Variants in DNMT3A observed in about 807,000 individuals in gnomAD.
The protein encoded by DNMT3A is DNA (cytosine-5)-methyltransferase 3A.
In DNMT3A, 267 loss-of-function variants were observed where a neutral mutation model predicts 117.6. That is an observed-to-expected ratio of 2.27 (90% CI 2.05 to 2.51). DNMT3A has a LOEUF of 2.51. DNMT3A is among the 30% of genes most tolerant of loss of function. DNMT3A has a pLI of 0.00. For synonymous variants in DNMT3A, 432 were observed against 474.8 expected (o/e 0.91, Z 1.17); for missense variants, 1,029 against 1,260.2 (o/e 0.82, Z 2.78).
rs1235002708 is a variant in DNMT3A, at chr2:25,253,802, G to C, written c.640-5550C>G. Reference sequence around the variant, plus strand: ...AGAAGATCTGGACTTGGCCGAGCGCGGTGGCTCACGCCTATAATCCCAGCA... The same window carrying C: ...AGAAGATCTGGACTTGGCCGAGCGCCGTGGCTCACGCCTATAATCCCAGCA... On this transcript the variant is annotated intron_variant, in intron 6 of 22. Coordinates refer to ENST00000321117, the MANE Select transcript of DNMT3A (RefSeq NM_022552.5). 3.3e-5 allele frequency among the ~76,000 whole-genome samples: 5 copies of C among 152,164 alleles called. No homozygotes were observed. The South Asian group carries it at 6.2e-4, about 19-fold the overall frequency.
chr2:25,236,656 A>T lies in DNMT3A; in HGVS notation c.2478+280T>A, dbSNP rs1673396179. On this transcript the variant is annotated intron_variant, in intron 21 of 22. Transcript: ENST00000321117. This position sits in a 1 kb window ranked among gnomAD's most constrained non-coding sequence, Gnocchi z 4.5. The stretch of plus-strand genomic sequence containing the variant: ...GTAATAGGTTTTGGCCAAAAAATTT[A>T]AAAATGAAAAAAAAGCCACAGCACA... 6.6e-6 allele frequency among the ~76,000 whole-genome samples: 1 copy of T among 152,148 alleles called. No individual in the cohort carries two copies. Among genetic ancestry groups the T allele is most frequent in the Admixed American group, 6.5e-5 (1 of 15,280 alleles).
Position 25,283,588 on chromosome 2 carries a change from C to T in DNMT3A, c.178-877G>A, listed in dbSNP as rs1307461527. ...GCTCATAGCCTAGCGTAGCCTTCTC[C>T]CCTGGCCTGGGCCGCCCCAGATTCT... On this transcript the variant is annotated intron_variant, in intron 3 of 22. Coordinates refer to ENST00000321117, the MANE Select transcript of DNMT3A (RefSeq NM_022552.5). 2.0e-5 allele frequency among the ~76,000 whole-genome samples: 3 copies of T among 152,124 alleles called. No individual in the cohort carries two copies. In the East Asian group the frequency reaches 5.8e-4, roughly 29 times the overall value.
intron 1 of DNMT3A, among the ~76,000 whole-genome samples, chr2:25,324,493 C>T (rs1217523457): frequency 6.6e-6 from 1 of 152,186 alleles, no homozygotes; most frequent in Non-Finnish European, 1.5e-5. Flanking sequence ...GTTTGTGCCT[C>T]TGGGGTGACC....
intron 3 of DNMT3A, among the ~76,000 whole-genome samples, chr2:25,299,814 A>T (rs1017375993): frequency 1.3e-5 from 2 of 152,104 alleles, no homozygotes; most frequent in African/African-American, 4.8e-5. Flanking sequence ...GCCTGTAATC[A>T]CAGCTACTTG....
At chr2:25,267,680 A>AT (rs1446386941) in intron 6 of DNMT3A, among the ~76,000 whole-genome samples, 3 of 152,344 alleles carry the variant, frequency 2.0e-5, no homozygotes, top group African/African-American at 7.2e-5. Context: ...TAAAGTTCCT[A>AT]TTATATGCTA....
rs1673574401 is a variant in DNMT3A, at chr2:25,238,176, C to T, written c.2408+954G>A. Among the ~76,000 whole-genome samples, 3 of 152,120 alleles carry T rather than the reference C, an allele frequency of 2.0e-5. No individual in the cohort carries two copies. The South Asian group carries it at 6.2e-4, about 32-fold the overall frequency. On this transcript the variant is annotated intron_variant, in intron 20 of 22. Coordinates refer to ENST00000321117, the MANE Select transcript of DNMT3A (RefSeq NM_022552.5). ...ATGAAAATACTGGACCTCATTAGCC[C>T]ATCCATTTCCCAATATGCACATGTA...
At chr2:25,241,841 G>T in intron 16 of DNMT3A, 134 bp from the exon 17 acceptor site, 2 of 1,172,210 alleles carry the variant, frequency 1.7e-6, no homozygotes, top group Non-Finnish European at 1.2e-6. Flanking sequence ...CCCTGAAGAT[G>T]CCTTAAATCC....
chr2:25,316,532 T>C (rs1466615130), intron 1 of DNMT3A, among the ~76,000 whole-genome samples: 2 of 152,190 alleles, frequency 1.3e-5, no homozygotes, highest in African/African-American at 4.8e-5. Flanking sequence ...GGGCGGGCCA[T>C]GTACTACACA....
At chr2:25,246,550 G>T in intron 10 of DNMT3A, 70 bp downstream of exon 10, 1 of 1,553,368 alleles carries the variant, frequency 6.4e-7, no homozygotes, top group Non-Finnish European at 8.7e-7. Flanking sequence ...CCCTAAGCAT[G>T]GCTTTCCCAG....
Position 25,233,804 on chromosome 2 carries a change from A to AC in DNMT3A, c.*474_*475insG, listed in dbSNP as rs1236818219. On this transcript the variant is annotated 3_prime_UTR_variant, in exon 23 of 23. Transcript: ENST00000321117. ...AAAAAAAAAAAACAAAAAACAAAAAAAAAAACAACCCAATATATAGATTTC... is the reference window on the plus strand; with the variant it reads ...AAAAAAAAAAAACAAAAAACAAAAAACAAAAACAACCCAATATATAGATTTC... The AC allele has an allele frequency of 4.4e-6, 1 of 226,832 alleles. No individual in the cohort carries two copies. The highest frequency in any genetic ancestry group is 2.2e-5 in the African/African-American group (1 of 44,788). The allele number at this position is 226,832 out of a possible 1,614,324, so 14.1% of individuals were successfully genotyped here.
rs562816716 is a variant in DNMT3A, at chr2:25,298,002, C to T, written c.177+2137G>A. 5.3e-5 allele frequency among the ~76,000 whole-genome samples: 8 copies of T among 152,342 alleles called. No homozygotes were observed. The highest frequency in any genetic ancestry group is 1.2e-4 in the Non-Finnish European group (8 of 68,040). On this transcript the variant is annotated intron_variant, in intron 3 of 22. Transcript: ENST00000321117. This position sits in a 1 kb window ranked among gnomAD's most constrained non-coding sequence, Gnocchi z 4.3. ...TGTCAAACTACGGTTGCCGTGGCCTCCTGAAGAGGAAAGGTTTGGCCAGGC... is the reference window on the plus strand; with the variant it reads ...TGTCAAACTACGGTTGCCGTGGCCTTCTGAAGAGGAAAGGTTTGGCCAGGC...
intron 2 of DNMT3A, among the ~76,000 whole-genome samples, chr2:25,303,089 T>C (rs1216128369): frequency 6.6e-6 from 1 of 152,212 alleles, no homozygotes; most frequent in African/African-American, 2.4e-5. Flanking sequence ...TAGGGCAGAT[T>C]CTGGAAAAAC....
At chr2:25,265,507 T>A (rs1389861202) in intron 6 of DNMT3A, among the ~76,000 whole-genome samples, 1 of 152,172 alleles carries the variant, frequency 6.6e-6, no homozygotes, top group Non-Finnish European at 1.5e-5. Flanking sequence ...AATTTTCTAA[T>A]AGCAAAATAC....
intron 3 of DNMT3A, among the ~76,000 whole-genome samples, chr2:25,297,752 C>T (rs2033178757): frequency 6.6e-6 from 1 of 152,174 alleles, no homozygotes; most frequent in African/African-American, 2.4e-5. Flanking sequence ...TCAGGTGATC[C>T]GCCCACCTTG....
chr2:25,271,671 G>A (rs538929579), intron 6 of DNMT3A, among the ~76,000 whole-genome samples: 1 of 152,348 alleles, frequency 6.6e-6, no homozygotes, highest in African/African-American at 2.4e-5. Context: ...TCTAAAACTT[G>A]TACTGGAATT....
chr2:25,267,181 C>A (rs1293630575), intron 6 of DNMT3A, among the ~76,000 whole-genome samples: 1 of 152,108 alleles, frequency 6.6e-6, no homozygotes, highest in South Asian at 2.1e-4. Flanking sequence ...AAAAAAAGAA[C>A]CCCTGAAGCA....
chr2:25,323,180 A>AGGATG, intron 1 of DNMT3A, among the ~76,000 whole-genome samples: 2 of 152,228 alleles, frequency 1.3e-5, no homozygotes, highest in South Asian at 4.2e-4. Context: ...AAGGATGCTA[A>AGGATG]CATGGTCGAT....
At chr2:25,276,616 G>T (rs530000975) in intron 4 of DNMT3A, among the ~76,000 whole-genome samples, 2 of 152,180 alleles carry the variant, frequency 1.3e-5, no homozygotes, top group Non-Finnish European at 2.9e-5. Flanking sequence ...CCCTTTCCAG[G>T]CACCCCTTCC....
intron 6 of DNMT3A, among the ~76,000 whole-genome samples, chr2:25,263,827 G>T (rs531401272): frequency 1.3e-5 from 2 of 152,210 alleles, no homozygotes; most frequent in Non-Finnish European, 2.9e-5. Context: ...GTCCTGTTCA[G>T]GTCAATGGCG....
Sources: allele counts gnomAD v4.1 joint callset (sites outside exome capture counted in the v4.1 genomes callset), GRCh38; gene constraint gnomAD v4.1.1; non-coding constraint Gnocchi (gnomAD v3.1); transcripts MANE v1.5; gene names NCBI Gene and HGNC (gene_info 2026-07-23, HGNC 2026-07-21).